USP53: variants seen among roughly 807,000 people sequenced by gnomAD.
The protein encoded by USP53 is ubiquitin specific peptidase 53, also known as ubiquitin carboxyl-terminal hydrolase 53.
Under a neutral mutation model 94.9 loss-of-function variants are expected in USP53, and 71 were observed. The observed-to-expected ratio is 0.75, with a 90% CI of 0.62 to 0.91. The LOEUF (loss-of-function observed/expected upper bound fraction) is 0.91. USP53 is among the 40% of genes least tolerant of loss of function. The pLI, the probability that USP53 is intolerant of heterozygous loss-of-function variation, is 0.00. For missense variants in USP53, 1,173 were observed against 1,281.0 expected (o/e 0.92, Z 1.29); for synonymous variants, 375 against 422.7 (o/e 0.89, Z 1.39).
At chr4:119,266,644 T>C (rs555624959) in intron 12 of USP53, among the ~76,000 whole-genome samples, 14 of 152,186 alleles carry the variant, frequency 9.2e-5, no homozygotes, top group Non-Finnish European at 1.8e-4. Context: ...CATTGGATTA[T>C]CTTCTTATTA....
chr4:119,269,723 A>G lies in USP53; in HGVS notation c.1321A>G (p.Ile441Val). 1.3e-6 allele frequency: 2 copies of G among 1,498,450 alleles called. No homozygotes were observed. The highest frequency in any genetic ancestry group is 1.4e-5 in the South Asian group (1 of 70,478). The allele number at this position is 1,498,450 out of a possible 1,614,324, so 92.8% of individuals were successfully genotyped here. ...AAGTCACATTGATCAAAGGGAAAAG[A>G]TAAAAGACATTTCCAGAGAATGTGC... ...KLSHIDQREK[I>V]KDISRECALK... Residue 441 changes from isoleucine (I) to valine (V), a missense_variant, in exon 15 of 19, where the codon ATA becomes GTA. Ile to Val is a conservative substitution (Grantham distance 29, BLOSUM62 3). Transcript: ENST00000692078.
intron 6 of USP53, among the ~76,000 whole-genome samples, chr4:119,247,250 C>T (rs749232961): frequency 3.9e-5 from 6 of 152,170 alleles, no homozygotes; most frequent in Non-Finnish European, 7.3e-5. Context: ...CTCTCCTCCC[C>T]TGTCAAAAAC....
intron 18 of USP53, 130 bp downstream of exon 18, chr4:119,291,391 T>C (rs1195496173): frequency 1.9e-6 from 1 of 514,340 alleles, no homozygotes; most frequent in Non-Finnish European, 3.4e-6. Context: ...TTGGGAATCA[T>C]TAATACAATG....
At position 119,261,775 on chromosome 4, in the gene USP53, A is replaced by G. The variant is rs774801338; in HGVS notation, c.883A>G (p.Ile295Val). The G allele has an allele frequency of 1.3e-6, 2 of 1,552,404 alleles. No individual in the cohort carries two copies. Among genetic ancestry groups the G allele is most frequent in the Admixed American group, 1.7e-5 (1 of 58,068 alleles). The change falls in exon 12 of 19, where the codon ATC (isoleucine) becomes GTC (valine). Residue 295 changes from isoleucine to valine, a missense_variant. Transcript: ENST00000692078. ...KNSELNLVGMICYTSQHYCAF... is the reference protein window; with the variant it reads ...KNSELNLVGMVCYTSQHYCAF... ...TAGTGAACTTAACCTTGTTGGTATG[A>G]TCTGCTACACCAGCCAACATTATTG... is the stretch of plus-strand genomic sequence containing the variant.
intron 12 of USP53, among the ~76,000 whole-genome samples, chr4:119,263,627 G>T (rs1476634662): frequency 1.3e-5 from 2 of 152,174 alleles, no homozygotes; most frequent in African/African-American, 4.8e-5. Flanking sequence ...ATCATACAAG[G>T]TTAGTAATAG....
chr4:119,292,382 G>A lies in USP53; in HGVS notation c.2393G>A (p.Ser798Asn). The A allele has an allele frequency of 6.2e-7, 1 of 1,611,168 alleles. No homozygotes were observed. Among genetic ancestry groups the A allele is most frequent in the Non-Finnish European group, 8.5e-7 (1 of 1,179,120 alleles). The change falls in exon 19 of 19, where the codon AGT (serine) becomes AAT (asparagine). Residue 798 changes from serine (S) to asparagine (N), a missense_variant. By Grantham distance (46) the Ser-to-Asn change is conservative. Coordinates refer to ENST00000692078, the MANE Select transcript of USP53 (RefSeq NM_001371395.1). ...AATGGAAAGTTATTTCCTTCATCCA[G>A]TCTACAAATACCCAAGGACCATAAT... is the stretch of plus-strand genomic sequence containing the variant. ...EDNGKLFPSS[S>N]LQIPKDHNAR... is the part of the protein sequence containing the mutation.
At chr4:119,260,441 C>T (rs1750354950) in intron 10 of USP53, 66 bp from the exon 11 acceptor site, 1 of 1,425,968 alleles carries the variant, frequency 7.0e-7, no homozygotes, top group African/African-American at 1.4e-5. Flanking sequence ...TTATATAATG[C>T]AAACTGTGTA....
In USP53 at chr4:119,293,502, T is replaced by C. The variant is rs1289297382; in HGVS notation, c.*291T>C. 4.2e-6 allele frequency: 1 copy of C among 239,088 alleles called. No individual in the cohort carries two copies. Among genetic ancestry groups the C allele is most frequent in the East Asian group, 8.4e-5 (1 of 11,922 alleles). 14.8% of individuals were successfully genotyped at this position (239,088 alleles called of 1,614,324 possible). On this transcript the variant is annotated 3_prime_UTR_variant, in exon 19 of 19. Coordinates refer to ENST00000692078, the MANE Select transcript of USP53 (RefSeq NM_001371395.1). The stretch of plus-strand genomic sequence containing the variant: ...TATCTTAGATATTTTAGAAATTCCC[T>C]TTGAATAGTCTTGGCGTGCCGTGAA...
chr4:119,260,170 A>G (rs1488605563), intron 10 of USP53, among the ~76,000 whole-genome samples: 1 of 152,196 alleles, frequency 6.6e-6, no homozygotes, highest in Admixed American at 6.5e-5. Flanking sequence ...TCATTTGATT[A>G]CAGAGAAAGT....
Position 119,292,975 on chromosome 4 carries a change from C to A in USP53, c.2986C>A (p.Pro996Thr), listed in dbSNP as rs1418905793. The change falls in exon 19 of 19, where the codon CCA (proline) becomes ACA (threonine). Residue 996 changes from proline (P) to threonine (T), a missense_variant. Transcript: ENST00000692078. ...AGTGAGAGAATGTTTTGGCAACACA[C>A]CAAACTGTCCATCCAGCTCCTCAAC... ...FQVRECFGNT[P>T]NCPSSSSTND... is the part of the protein sequence containing the mutation. 6.2e-7 allele frequency: 1 copy of A among 1,614,082 alleles called. No homozygotes were observed. Among genetic ancestry groups the A allele is most frequent in the African/African-American group, 1.3e-5 (1 of 75,036 alleles).
chr4:119,255,483 C>T (rs549258675), intron 7 of USP53, among the ~76,000 whole-genome samples: 114 of 152,298 alleles, frequency 7.5e-4, no homozygotes, highest in African/African-American at 2.6e-3. Context: ...ACCAACCTCC[C>T]GCATCCCAGG....
chr4:119,293,052 A>G lies in USP53; in HGVS notation c.3063A>G (p.Glu1021=), dbSNP rs1416909303. 1.2e-6 allele frequency: 2 copies of G among 1,614,040 alleles called. No individual in the cohort carries two copies. Among genetic ancestry groups the G allele is most frequent in the Admixed American group, 1.7e-5 (1 of 60,004 alleles). Residue 1021 remains glutamate, a synonymous_variant, in exon 19 of 19, where the codon GAA becomes GAG. Coordinates refer to ENST00000692078, the MANE Select transcript of USP53 (RefSeq NM_001371395.1). ...SGAIDAFCQP[E]LDSISTCPNE... ...CCATTGATGCATTTTGCCAACCAGA[A>G]CTAGACTCTATTTCTACCTGTCCAA...
intron 17 of USP53, 79 bp downstream of exon 17, chr4:119,273,787 G>A (rs1752183043): frequency 1.7e-6 from 2 of 1,175,804 alleles, no homozygotes; most frequent in South Asian, 1.5e-5. Flanking sequence ...ATGTATCTGA[G>A]AGAAAATCCT....
chr4:119,257,133 A>G (rs942954859), intron 9 of USP53, among the ~76,000 whole-genome samples: 2 of 152,176 alleles, frequency 1.3e-5, no homozygotes, highest in Non-Finnish European at 2.9e-5. Flanking sequence ...TCCAACAGGT[A>G]TTTGAAAGTA....
At chr4:119,249,588 A>G (rs113699393) in intron 7 of USP53, among the ~76,000 whole-genome samples, 1,546 of 150,688 alleles carry the variant, frequency 0.01, 26 homozygotes, top group African/African-American at 0.035. Context: ...TTAATTCCCT[A>G]CCACAACTTC....
At chr4:119,289,563 CATT>C (rs1250236975) in intron 17 of USP53, among the ~76,000 whole-genome samples, 4 of 152,170 alleles carry the variant, frequency 2.6e-5, no homozygotes, top group Admixed American at 2.6e-4. Context: ...CTGTAGCTAT[CATT>C]ATTGTGGTGG....
At chr4:119,218,602 T>C (rs944056784) in intron 3 of USP53, 1 of 152,206 alleles carries the variant, frequency 6.6e-6, no homozygotes, top group Non-Finnish European at 1.5e-5. Flanking sequence ...AATTTTCTAC[T>C]GTAGTCTTCT....
intron 5 of USP53, among the ~76,000 whole-genome samples, chr4:119,244,866 A>G (rs1748012589): frequency 6.6e-6 from 1 of 152,174 alleles, no homozygotes; most frequent in Admixed American, 6.5e-5. Context: ...CAGTGACCAC[A>G]TACACCTCTG....
At chr4:119,280,326 C>A (rs1374092151) in intron 17 of USP53, among the ~76,000 whole-genome samples, 1 of 151,814 alleles carries the variant, frequency 6.6e-6, no homozygotes, top group Non-Finnish European at 1.5e-5. Flanking sequence ...TGATTTGAGA[C>A]CCAGATAGGC....
Sources: gnomAD v4.1 joint callset for allele counts (sites outside exome capture counted in the v4.1 genomes callset) on GRCh38, gnomAD v4.1.1 for gene constraint, MANE v1.5 for transcripts, NCBI Gene and HGNC (gene_info 2026-07-23, HGNC 2026-07-21) for gene names.